DNAH5: variants seen among roughly 807,000 people sequenced by gnomAD.
DNAH5 encodes axonemal beta dynein heavy chain 5.
Under a neutral mutation model 518.2 loss-of-function variants are expected in DNAH5, and 372 were observed. The observed-to-expected ratio is 0.72, with a 90% confidence interval of 0.66 to 0.78. DNAH5 has a LOEUF of 0.78. DNAH5 is among the 30% of genes least tolerant of loss of function. The pLI, the probability that DNAH5 is intolerant of heterozygous loss-of-function variation, is 0.00. For missense variants in DNAH5, 5,523 were observed against 5,687.0 expected (o/e 0.97, Z 0.93); for synonymous variants, 2,039 against 2,025.9 (o/e 1.01, Z -0.17).
rs748882657 is a variant in DNAH5, at chr5:13,829,524, G to A, written c.6430C>T (p.Gln2144Ter). 1 of 1,614,134 alleles carries A rather than the reference G, an allele frequency of 6.2e-7. No homozygotes were observed. The highest frequency in any genetic ancestry group is 8.5e-7 in the Non-Finnish European group (1 of 1,180,010). The change falls in exon 38 of 79, where the codon CAG (glutamine) becomes TAG (stop). Residue 2144 changes from glutamine to a stop codon, truncating the protein, a stop_gained. Transcript: ENST00000265104. LOFTEE classifies it high-confidence loss of function. ...GGATGACACACCTGCTTAGAAAGCTGCTCCTCACACAGTTTGTAGAGCGTG... is the reference window on the plus strand; with the variant it reads ...GGATGACACACCTGCTTAGAAAGCTACTCCTCACACAGTTTGTAGAGCGTG... ...FFTLYKLCEE[Q>*]LSKQVHYDFG...
rs72732615 is a variant in DNAH5, at chr5:13,760,039, C to T, written c.10282-1056G>A. On this transcript the variant is annotated intron_variant, in intron 60 of 78. Transcript: ENST00000265104. ...AAGTTACAATTTAAAAAGAACCTGA[C>T]TGGTGGAACATTTTTTCCTCAGCTC... Among the ~76,000 whole-genome samples, 1,105 of 152,268 alleles carry T rather than the reference C, an allele frequency of 7.3e-3. 6 individuals carry two copies. The highest frequency in any genetic ancestry group is 0.012 in the Non-Finnish European group (842 of 68,024).
At chr5:13,770,726 T>C (rs761407022) in intron 56 of DNAH5, 23 bp downstream of exon 56, 1 of 1,604,178 alleles carries the variant, frequency 6.2e-7, no homozygotes, top group Non-Finnish European at 8.5e-7. Flanking sequence ...TAATATAGCT[T>C]TGTATAAGAA....
At chr5:13,716,352 C>G in intron 74 of DNAH5, 135 bp downstream of exon 74, 1 of 689,036 alleles carries the variant, frequency 1.5e-6, no homozygotes, top group Non-Finnish European at 2.6e-6. Context: ...ATGAAGAAAG[C>G]CTTCACAGCA....
chr5:13,768,069 C>A (rs1010732801), intron 58 of DNAH5, among the ~76,000 whole-genome samples: 1 of 152,230 alleles, frequency 6.6e-6, no homozygotes, highest in Non-Finnish European at 1.5e-5. Context: ...ATTTCATTTT[C>A]TCAAAATCCA....
chr5:13,812,307 T>A (rs1580375222), intron 43 of DNAH5, among the ~76,000 whole-genome samples: 1 of 151,268 alleles, frequency 6.6e-6, no homozygotes, highest in African/African-American at 2.4e-5. Flanking sequence ...CATACCCAGG[T>A]TTTTTTTTCT....
Position 13,819,100 on chromosome 5 carries a change from G to A in DNAH5, c.6841+1246C>T, listed in dbSNP as rs1160853654. Among the ~76,000 whole-genome samples, 5 of 152,092 alleles carry A rather than the reference G, an allele frequency of 3.3e-5. No homozygotes were observed. In the South Asian group the frequency reaches 6.2e-4, roughly 19 times the overall value. ...TTAATATTTAGTACTCATTTTGTTC[G>A]AGTCATTGTACCGTGTGCATTTAAA... On this transcript the variant is annotated intron_variant, in intron 41 of 78. Coordinates refer to ENST00000265104, the MANE Select transcript of DNAH5 (RefSeq NM_001369.3).
intron 62 of DNAH5, among the ~76,000 whole-genome samples, chr5:13,753,866 CCTT>C (rs1356607534): frequency 5.9e-5 from 9 of 152,072 alleles, no homozygotes; most frequent in South Asian, 2.1e-4. Context: ...TTAAATGTGA[CCTT>C]CATCAATATA....
chr5:13,736,310 T>A (rs1747408794), intron 66 of DNAH5, among the ~76,000 whole-genome samples: 1 of 152,164 alleles, frequency 6.6e-6, no homozygotes. Flanking sequence ...GGAGAAGCCA[T>A]GCCTAACCTG....
chr5:13,829,888 C>T lies in DNAH5; in HGVS notation c.6249+138G>A. On this transcript the variant is annotated intron_variant, in intron 37 of 78. Coordinates refer to ENST00000265104, the MANE Select transcript of DNAH5 (RefSeq NM_001369.3). ...AGCTATTCATATGATCTTTGCTTAA[C>T]ACCAAAAGGTTTTCAAAAGGAGGTA... 12 of 1,065,294 alleles carry T rather than the reference C, an allele frequency of 1.1e-5. No homozygotes were observed. In the South Asian group the frequency reaches 1.2e-4, roughly 11 times the overall value. 66.0% of individuals were successfully genotyped at this position (1,065,294 alleles called of 1,614,324 possible).
intron 49 of DNAH5, 132 bp downstream of exon 49, chr5:13,793,383 G>T: frequency 1.3e-6 from 1 of 749,552 alleles, no homozygotes; most frequent in Non-Finnish European, 2.4e-6. Context: ...CACTGCTTGA[G>T]AGTGATGGAG....
intron 1 of DNAH5, among the ~76,000 whole-genome samples, chr5:13,987,357 A>G (rs10055489): frequency 0.42 from 64,279 of 151,614 alleles, 14,003 homozygotes; most frequent in East Asian, 0.77. Context: ...TAGTTTTCTG[A>G]TAACTGAAAA....
At chr5:13,998,329 A>T (rs1784110000) in intron 1 of DNAH5, among the ~76,000 whole-genome samples, 1 of 152,192 alleles carries the variant, frequency 6.6e-6, no homozygotes, top group South Asian at 2.1e-4. Flanking sequence ...CATTTACAAG[A>T]GCAGAGCCTT....
At position 13,824,269 on chromosome 5, in the gene DNAH5, C is replaced by CT. The variant is rs878854458; in HGVS notation, c.6508dup (p.Arg2170LysfsTer23). 48 of 1,613,980 alleles carry CT rather than the reference C, an allele frequency of 3.0e-5. No homozygotes were observed. Among genetic ancestry groups the CT allele is most frequent in the Non-Finnish European group, 4.0e-5 (47 of 1,179,984 alleles). On this transcript the variant is annotated frameshift_variant, in exon 39 of 79. Coordinates refer to ENST00000265104, the MANE Select transcript of DNAH5 (RefSeq NM_001369.3). LOFTEE classifies it high-confidence loss of function. ...GGACTCCGTATCCATTGGATTGGCT[C>CT]TTTTTGCTGCTCCCAAGGTCCGAAG...
chr5:13,735,966 G>A (rs369386056), intron 66 of DNAH5, 34 bp from the exon 67 acceptor site: 10 of 1,521,378 alleles, frequency 6.6e-6, no homozygotes, highest in Admixed American at 5.0e-5. Context: ...CATGTGCTAC[G>A]AGAGAGGAAA....
chr5:13,866,190 T>C, intron 26 of DNAH5, 30 bp downstream of exon 26: 1 of 1,603,410 alleles, frequency 6.2e-7, no homozygotes, highest in Admixed American at 1.7e-5. Context: ...GTTTCATTGT[T>C]TAGAAAGTCA....
chr5:13,991,364 G>T (rs761695999), intron 1 of DNAH5, among the ~76,000 whole-genome samples: 2 of 152,072 alleles, frequency 1.3e-5, no homozygotes, highest in Non-Finnish European at 2.9e-5. Flanking sequence ...GCTTAGTACT[G>T]GGTTGAGAAA....
chr5:13,708,342 T>C lies in DNAH5; in HGVS notation c.13126-7A>G. On this transcript the variant is annotated splice_polypyrimidine_tract_variant and splice_region_variant and intron_variant, in intron 75 of 78. Coordinates refer to ENST00000265104, the MANE Select transcript of DNAH5 (RefSeq NM_001369.3). Reference sequence around the variant, plus strand: ...TCTGCAGCCTCTCTTTTACCTGCCATGGAGACATTCAAAGCACATGTTAAC... The same window carrying C: ...TCTGCAGCCTCTCTTTTACCTGCCACGGAGACATTCAAAGCACATGTTAAC... 3.1e-6 allele frequency: 5 copies of C among 1,613,596 alleles called. No homozygotes were observed. The highest frequency in any genetic ancestry group is 4.2e-6 in the Non-Finnish European group (5 of 1,179,864).
At chr5:13,987,632 C>T (rs1783149655) in intron 1 of DNAH5, among the ~76,000 whole-genome samples, 1 of 152,142 alleles carries the variant, frequency 6.6e-6, no homozygotes, top group Non-Finnish European at 1.5e-5. Flanking sequence ...GAAGGCAGAT[C>T]ACCTGACGTC....
chr5:13,700,968 C>T (rs748200539), intron 77 of DNAH5, 97 bp from the exon 78 acceptor site: 11 of 1,282,784 alleles, frequency 8.6e-6, no homozygotes, highest in Non-Finnish European at 1.2e-5. Context: ...ATCACTCTAA[C>T]TCGAAGGACG....
Sources: allele counts gnomAD v4.1 joint callset (sites outside exome capture counted in the v4.1 genomes callset), GRCh38; gene constraint gnomAD v4.1.1; transcripts MANE v1.5; gene names NCBI Gene and HGNC (gene_info 2026-07-23, HGNC 2026-07-21).